ENTREP2: variants seen among roughly 807,000 people sequenced by gnomAD.
The protein encoded by ENTREP2 is endosomal transmembrane epsin interactor 2.
At chr15:29,118,497 C>A in the ENTREP2 span, among the ~76,000 whole-genome samples, 2 of 152,180 alleles carry the variant, frequency 1.3e-5, no homozygotes, top group African/African-American at 4.8e-5. Context: ...GCTCTGGGCA[C>A]CAGGTGTCAG....
chr15:29,158,440 C>T, the ENTREP2 span, among the ~76,000 whole-genome samples: 1 of 131,738 alleles, frequency 7.6e-6, no homozygotes, highest in Non-Finnish European at 1.6e-5. Context: ...TAGTCTCACT[C>T]TTTCGCCCAG....
At chr15:29,367,498 G>A in the ENTREP2 span, among the ~76,000 whole-genome samples, 4 of 152,150 alleles carry the variant, frequency 2.6e-5, no homozygotes, top group Non-Finnish European at 1.5e-5. Flanking sequence ...AATAGTTGGG[G>A]CAAACAATAT....
At chr15:29,335,028 A>T in the ENTREP2 span, among the ~76,000 whole-genome samples, 2 of 152,174 alleles carry the variant, frequency 1.3e-5, no homozygotes, top group African/African-American at 4.8e-5. Flanking sequence ...GTGGGAACCA[A>T]GATCCCAAAC....
the ENTREP2 span, among the ~76,000 whole-genome samples, chr15:29,652,866 C>T: frequency 6.6e-6 from 1 of 152,282 alleles, no homozygotes; most frequent in Non-Finnish European, 1.5e-5. Context: ...GTAGCATGAG[C>T]CAAGTACAGC....
the ENTREP2 span, among the ~76,000 whole-genome samples, chr15:29,324,602 A>G: frequency 1.3e-4 from 20 of 152,230 alleles, no homozygotes; most frequent in Non-Finnish European, 2.9e-4. Flanking sequence ...AGGAAGTTGG[A>G]GTACCAATAT....
At chr15:29,274,371 C>T in the ENTREP2 span, among the ~76,000 whole-genome samples, 4 of 152,232 alleles carry the variant, frequency 2.6e-5, no homozygotes, top group East Asian at 7.7e-4. Flanking sequence ...GAGATCTGAA[C>T]ACAGCCAATC....
chr15:29,474,103 G>A, the ENTREP2 span, among the ~76,000 whole-genome samples: 27 of 152,296 alleles, frequency 1.8e-4, no homozygotes, highest in African/African-American at 6.3e-4. Flanking sequence ...ACGGGCTTGC[G>A]ACGGTTACTA....
the ENTREP2 span, among the ~76,000 whole-genome samples, chr15:29,633,468 G>A: frequency 1.3e-5 from 2 of 151,660 alleles, no homozygotes; most frequent in Admixed American, 6.6e-5. Flanking sequence ...TGGGGGGGGC[G>A]GGCATTGAAA....
At chr15:29,606,912 C>G in the ENTREP2 span, among the ~76,000 whole-genome samples, 1 of 152,114 alleles carries the variant, frequency 6.6e-6, no homozygotes, top group South Asian at 2.1e-4. Flanking sequence ...CAGCTAACTG[C>G]AACCTCTGCC....
chr15:29,528,893 T>C, the ENTREP2 span, among the ~76,000 whole-genome samples: 9 of 152,088 alleles, frequency 5.9e-5, no homozygotes, highest in Admixed American at 5.9e-4. Flanking sequence ...TATACAACCA[T>C]TAAAAATAAC....
At chr15:29,226,647 T>C in the ENTREP2 span, among the ~76,000 whole-genome samples, 1 of 152,168 alleles carries the variant, frequency 6.6e-6, no homozygotes, top group South Asian at 2.1e-4. Flanking sequence ...TAAATCAGGG[T>C]TGCCCTGGTT....
At chr15:29,159,390 A>T in the ENTREP2 span, among the ~76,000 whole-genome samples, 3 of 152,184 alleles carry the variant, frequency 2.0e-5, no homozygotes, top group African/African-American at 7.2e-5. Context: ...CAGCAGCAAG[A>T]TTTATTGCAA....
chr15:29,181,515 TAAAAG>T, the ENTREP2 span, among the ~76,000 whole-genome samples: 2 of 152,098 alleles, frequency 1.3e-5, no homozygotes, highest in African/African-American at 2.4e-5. Flanking sequence ...AAATCTTTAA[TAAAAG>T]AAAAGCAAAG....
At chr15:29,555,714 G>A in the ENTREP2 span, among the ~76,000 whole-genome samples, 30 of 152,176 alleles carry the variant, frequency 2.0e-4, no homozygotes, top group African/African-American at 7.0e-4. Context: ...TGGGCACCAG[G>A]AAGAAAGGCA....
chr15:29,188,221 T>C, the ENTREP2 span, among the ~76,000 whole-genome samples: 1 of 152,168 alleles, frequency 6.6e-6, no homozygotes. Context: ...GTAATCTTTT[T>C]GTTGTTGTTT....
At chr15:29,632,672 C>A in the ENTREP2 span, among the ~76,000 whole-genome samples, 1 of 152,142 alleles carries the variant, frequency 6.6e-6, no homozygotes, top group Non-Finnish European at 1.5e-5. Context: ...GTAATCCCAG[C>A]TACTCACAAG....
the ENTREP2 span, among the ~76,000 whole-genome samples, chr15:29,208,867 A>G: frequency 2.6e-5 from 4 of 152,224 alleles, no homozygotes; most frequent in Non-Finnish European, 4.4e-5. Flanking sequence ...AACCAGAGCT[A>G]CTTGCAACAA....
At chr15:29,644,264 G>C in the ENTREP2 span, among the ~76,000 whole-genome samples, 1 of 152,092 alleles carries the variant, frequency 6.6e-6, no homozygotes, top group African/African-American at 2.4e-5. Context: ...GTAGATTACC[G>C]GTTGCCAAGG....
At chr15:29,288,833 GTACA>G in the ENTREP2 span, among the ~76,000 whole-genome samples, 4 of 152,110 alleles carry the variant, frequency 2.6e-5, no homozygotes, top group African/African-American at 9.7e-5. Flanking sequence ...GTGTATGTAT[GTACA>G]TACATATATG....
Sources: allele counts gnomAD v4.1 joint callset (sites outside exome capture counted in the v4.1 genomes callset), GRCh38; gene constraint gnomAD v4.1.1; transcripts MANE v1.5; gene names NCBI Gene and HGNC (gene_info 2026-07-23, HGNC 2026-07-21).